Variants in HDAC4 observed in about 807,000 individuals in gnomAD.
HDAC4 encodes the protein histone deacetylase 4.
In HDAC4, 16 loss-of-function variants were observed where a neutral mutation model predicts 135.1. The observed-to-expected ratio is 0.12, with a 90% CI of 0.08 to 0.18. The LOEUF (loss-of-function observed/expected upper bound fraction) is 0.18, where lower values mean the gene tolerates loss of function less well. HDAC4 is among the 10% of genes least tolerant of loss of function. HDAC4 has a pLI of 1.00. For missense variants in HDAC4, 1,143 were observed against 1,511.8 expected (o/e 0.76, Z 4.05); for synonymous variants, 685 against 653.4 (o/e 1.05, Z -0.74).
At chr2:239,113,235 G>A (rs1431674814) in intron 13 of HDAC4, among the ~76,000 whole-genome samples, 1 of 152,088 alleles carries the variant, frequency 6.6e-6, no homozygotes, top group Non-Finnish European at 1.5e-5. Context: ...GGGCAACAGA[G>A]TGAGACTCTG....
chr2:239,093,238 C>T (rs993174232), intron 17 of HDAC4, among the ~76,000 whole-genome samples: 2 of 152,198 alleles, frequency 1.3e-5, no homozygotes, highest in Non-Finnish European at 2.9e-5. Flanking sequence ...GTGAGTTTTC[C>T]GTGTTCCAAG....
chr2:239,370,801 T>C (rs73104786), intron 1 of HDAC4, among the ~76,000 whole-genome samples: 7,936 of 152,298 alleles, frequency 0.052, 678 homozygotes, highest in African/African-American at 0.18. Context: ...CATCCCCGCA[T>C]CATGCTGGGT....
chr2:239,154,919 A>C (rs939174264), intron 7 of HDAC4: 1 of 152,282 alleles, frequency 6.6e-6, no homozygotes, highest in African/African-American at 2.4e-5. Context: ...TTATGGCCCA[A>C]ATGGAAATGC....
chr2:239,384,489 C>T (rs1047688432), intron 1 of HDAC4, among the ~76,000 whole-genome samples: 1 of 150,274 alleles, frequency 6.7e-6, no homozygotes, highest in African/African-American at 2.5e-5. Context: ...TGGTGGTGCA[C>T]GCCTGTAGTC....
At chr2:239,401,091 T>C (rs969629505), upstream of HDAC4, 2 of 151,378 alleles carry the variant, frequency 1.3e-5, no homozygotes, top group African/African-American at 4.9e-5. Flanking sequence ...TCGCCAACCA[T>C]TGGCTGCGGC....
rs1156616879 is a variant in HDAC4 at position 239,141,406 on chromosome 2, C to T, written c.866-1610G>A. Among the ~76,000 whole-genome samples the T allele has an allele frequency of 6.6e-6, 1 of 152,230 alleles. No homozygotes were observed. On this transcript the variant is annotated intron_variant, in intron 8 of 26. Transcript: ENST00000543185. This position sits in a 1 kb window ranked among gnomAD's most constrained non-coding sequence, Gnocchi z 4.9. The stretch of plus-strand genomic sequence containing the variant: ...ATGAATACAGGACTGGGTCCCGACC[C>T]TACCCCATCCTCTTTCTTTCCCTGG...
chr2:239,321,505 T>C (rs1225658547), intron 2 of HDAC4, among the ~76,000 whole-genome samples: 18 of 151,818 alleles, frequency 1.2e-4, no homozygotes, highest in Admixed American at 1.2e-3. Context: ...TAGCTTACAT[T>C]TTTCTGTGTT....
intron 2 of HDAC4, among the ~76,000 whole-genome samples, chr2:239,311,385 G>A (rs573642603): frequency 2.6e-5 from 4 of 152,318 alleles, no homozygotes; most frequent in Middle Eastern, 3.4e-3. Context: ...GTCAAGCGCC[G>A]AGCAAACAGT....
At chr2:239,133,124 C>T (rs1373829367) in intron 11 of HDAC4, among the ~76,000 whole-genome samples, 1 of 152,182 alleles carries the variant, frequency 6.6e-6, no homozygotes. Flanking sequence ...AAGATTGCGC[C>T]ATTTGGCTTC....
chr2:239,297,394 C>T lies in HDAC4; in HGVS notation c.22+55284G>A, dbSNP rs765906686. 2.6e-5 allele frequency among the ~76,000 whole-genome samples: 4 copies of T among 152,332 alleles called. No homozygotes were observed. The East Asian group carries it at 5.8e-4, about 22-fold the overall frequency. ...CCTGTGGGCAAGCCACAAAGGTCCC[C>T]GCTAGAAGATGGGACCCAGAGCTTT... On this transcript the variant is annotated intron_variant, in intron 2 of 26. Coordinates refer to ENST00000543185, the MANE Select transcript of HDAC4 (RefSeq NM_001378414.1).
intron 13 of HDAC4, among the ~76,000 whole-genome samples, chr2:239,112,905 C>G (rs2038801357): frequency 2.0e-5 from 3 of 152,206 alleles, no homozygotes; most frequent in Middle Eastern, 3.2e-3. Context: ...ACCAGAGCTA[C>G]CCGGCCAGGC....
At chr2:239,121,871 C>G (rs2039724345) in intron 12 of HDAC4, among the ~76,000 whole-genome samples, 1 of 152,204 alleles carries the variant, frequency 6.6e-6, no homozygotes, top group Non-Finnish European at 1.5e-5. Context: ...ACATTCAGTT[C>G]TGAGTCTCAC....
At chr2:239,357,888 C>CA (rs71043188) in intron 1 of HDAC4, among the ~76,000 whole-genome samples, 719 of 55,622 alleles carry the variant, frequency 0.013, 85 homozygotes, top group Non-Finnish European at 0.018. Context: ...GCCTCTGTTC[C>CA]AAAAAAAAAA....
At chr2:239,242,175 A>AAG (rs910551226) in intron 2 of HDAC4, among the ~76,000 whole-genome samples, 1 of 144,248 alleles carries the variant, frequency 6.9e-6, no homozygotes, top group Non-Finnish European at 1.5e-5. Flanking sequence ...AAGAGAAAGA[A>AAG]AGAGAGAGAG....
At chr2:239,063,661 G>A (rs573320750) in intron 24 of HDAC4, among the ~76,000 whole-genome samples, 2 of 152,230 alleles carry the variant, frequency 1.3e-5, no homozygotes, top group Admixed American at 6.5e-5. Context: ...CTTCTGCCTC[G>A]TGCTCTTGGC....
intron 1 of HDAC4, among the ~76,000 whole-genome samples, chr2:239,392,407 G>A (rs1277520591): frequency 2.0e-5 from 3 of 152,202 alleles, no homozygotes; most frequent in Non-Finnish European, 4.4e-5. Flanking sequence ...CCACCTATGA[G>A]GATTTTTTCA....
At chr2:239,270,522 G>C (rs2050001797) in intron 2 of HDAC4, among the ~76,000 whole-genome samples, 1 of 152,176 alleles carries the variant, frequency 6.6e-6, no homozygotes. Context: ...TGAGAATCCA[G>C]AATAAGCTGA....
chr2:239,190,180 G>GT, intron 3 of HDAC4, 103 bp from the exon 4 acceptor site: 1 of 1,434,854 alleles, frequency 7.0e-7, no homozygotes, highest in African/African-American at 1.5e-5. Context: ...GGGGCGGGGG[G>GT]GGGGTTGTGA....
intron 1 of HDAC4, among the ~76,000 whole-genome samples, chr2:239,372,940 T>C (rs890880418): frequency 4.6e-5 from 7 of 152,202 alleles, no homozygotes; most frequent in Admixed American, 1.3e-4. Flanking sequence ...TTCAATACCA[T>C]GTCTCGGGGG....
Sources: gnomAD v4.1 joint callset for allele counts (sites outside exome capture counted in the v4.1 genomes callset) on GRCh38, gnomAD v4.1.1 for gene constraint, Gnocchi (gnomAD v3.1) non-coding constraint, MANE v1.5 for transcripts, NCBI Gene and HGNC (gene_info 2026-07-23, HGNC 2026-07-21) for gene names.